Variants in PRNP observed in about 807,000 individuals in gnomAD.
PRNP encodes prion protein (Kanno blood group), also known as major prion protein.
A neutral mutation model predicts 21.3 loss-of-function variants in PRNP; 15 were observed. The ratio of observed to expected loss-of-function variants is 0.71; its 90% confidence interval spans 0.47 to 1.09. The LOEUF (loss-of-function observed/expected upper bound fraction) is 1.09, where lower values mean the gene tolerates loss of function less well. PRNP is among the 50% of genes least tolerant of loss of function. PRNP has a pLI of 0.00. For synonymous variants in PRNP, 121 were observed against 123.1 expected (o/e 0.98, Z 0.11); for missense variants, 285 against 340.9 (o/e 0.84, Z 1.29).
intron 1 of PRNP, among the ~76,000 whole-genome samples, chr20:4,687,999 G>A (rs1486079259): frequency 6.6e-6 from 1 of 152,108 alleles, no homozygotes; most frequent in Non-Finnish European, 1.5e-5. Flanking sequence ...ACACAGAGAA[G>A]GTCTTACAGT....
At chr20:4,692,281 A>G (rs1921879654) in intron 1 of PRNP, among the ~76,000 whole-genome samples, 1 of 152,200 alleles carries the variant, frequency 6.6e-6, no homozygotes, top group African/African-American at 2.4e-5. Context: ...TCTTACTGCC[A>G]TTATGAATGA....
chr20:4,688,721 G>A (rs1395115527), intron 1 of PRNP, among the ~76,000 whole-genome samples: 3 of 152,116 alleles, frequency 2.0e-5, no homozygotes, highest in Non-Finnish European at 4.4e-5. Context: ...TGTGATATGT[G>A]GGGAAAAACT....
At chr20:4,695,057 C>A (rs2122215805) in intron 1 of PRNP, among the ~76,000 whole-genome samples, 1 of 152,186 alleles carries the variant, frequency 6.6e-6, no homozygotes, top group African/African-American at 2.4e-5. Context: ...GTACTAAAGT[C>A]CCCTTTACCA....
chr20:4,700,237 A>G lies in PRNP; in HGVS notation c.*255A>G. 8.3e-7 allele frequency: 1 copy of G among 1,202,510 alleles called. No individual in the cohort carries two copies. Among genetic ancestry groups the G allele is most frequent in the Non-Finnish European group, 1.2e-6 (1 of 846,310 alleles). 74.5% of individuals were successfully genotyped at this position (1,202,510 alleles called of 1,614,324 possible). On this transcript the variant is annotated 3_prime_UTR_variant, in exon 2 of 2. Transcript: ENST00000379440. The surrounding 1 kb of genome is among the most constrained non-coding windows in gnomAD (Gnocchi z 4.1). ...GCCAGTAAAAGTATAACAGCAAATAACCATTGGTTAATCTGGACTTATTTT... is the reference window on the plus strand; with the variant it reads ...GCCAGTAAAAGTATAACAGCAAATAGCCATTGGTTAATCTGGACTTATTTT...
In PRNP at chr20:4,686,520, C is replaced by G. The variant is rs1921437192; in HGVS notation, c.-11+8C>G. 1 of 151,914 alleles carries G rather than the reference C, an allele frequency of 6.6e-6. No individual in the cohort carries two copies. Among genetic ancestry groups the G allele is most frequent in the Non-Finnish European group, 1.5e-5 (1 of 67,932 alleles). 9.4% of individuals were successfully genotyped at this position (151,914 alleles called of 1,614,324 possible). ...TCCTCACGACCGAGGCAGGTAAACG[C>G]CCGGGGTGGGAGGAACGCGGGCGGG... On this transcript the variant is annotated splice_region_variant and intron_variant, in intron 1 of 1. Coordinates refer to ENST00000379440, the MANE Select transcript of PRNP (RefSeq NM_000311.5). The surrounding 1 kb of genome is among the most constrained non-coding windows in gnomAD (Gnocchi z 6.7).
intron 1 of PRNP, among the ~76,000 whole-genome samples, chr20:4,687,246 G>GGGGCCTC (rs1412156596): frequency 2.6e-5 from 4 of 152,034 alleles, no homozygotes; most frequent in Admixed American, 6.5e-5. Context: ...GGGCGGGGGC[G>GGGGCCTC]GGGCCTCGGG....
intron 1 of PRNP, among the ~76,000 whole-genome samples, chr20:4,693,548 C>T (rs574964834): frequency 6.6e-6 from 1 of 152,124 alleles, no homozygotes; most frequent in Non-Finnish European, 1.5e-5. Flanking sequence ...AGAAATTTCT[C>T]TCTGTGGACC....
chr20:4,697,690 C>T lies in PRNP; in HGVS notation c.-10-1521C>T, dbSNP rs1922252058. ...TGTTTTATCCAGAGTACAAAGGAGC[C>T]TCACTGAGGGACAAGGGAAGTGGCA... On this transcript the variant is annotated intron_variant, in intron 1 of 1. Coordinates refer to ENST00000379440, the MANE Select transcript of PRNP (RefSeq NM_000311.5). The surrounding 1 kb of genome is among the most constrained non-coding windows in gnomAD (Gnocchi z 4.6). Among the ~76,000 whole-genome samples, 1 of 152,138 alleles carries T rather than the reference C, an allele frequency of 6.6e-6. No homozygotes were observed. Among genetic ancestry groups the T allele is most frequent in the African/African-American group, 2.4e-5 (1 of 41,436 alleles).
At chr20:4,689,638 C>T (rs1675928051) in intron 1 of PRNP, among the ~76,000 whole-genome samples, 2 of 152,216 alleles carry the variant, frequency 1.3e-5, no homozygotes, top group African/African-American at 4.8e-5. Flanking sequence ...CTTATTTCTT[C>T]TTCCAAGGCA....
chr20:4,699,958 C>T lies in PRNP; in HGVS notation c.738C>T (p.Phe246=), dbSNP rs1922490133. 6.2e-7 allele frequency: 1 copy of T among 1,612,878 alleles called. No individual in the cohort carries two copies. The highest frequency in any genetic ancestry group is 1.3e-5 in the African/African-American group (1 of 75,004). The part of the protein sequence containing the change: ...SSPPVILLIS[F]LIFLIVG ...CACCTGTGATCCTCCTGATCTCTTTCCTCATCTTCCTGATAGTGGGATGAG... is the reference window on the plus strand; with the variant it reads ...CACCTGTGATCCTCCTGATCTCTTTTCTCATCTTCCTGATAGTGGGATGAG... Residue 246 remains phenylalanine, a synonymous_variant, in exon 2 of 2, where the codon TTC becomes TTT. Transcript: ENST00000379440. This position sits in a 1 kb window ranked among gnomAD's most constrained non-coding sequence, Gnocchi z 5.8.
chr20:4,699,211 A>T lies in PRNP; in HGVS notation c.-10A>T. On this transcript the variant is annotated splice_region_variant and 5_prime_UTR_variant, in exon 2 of 2. Coordinates refer to ENST00000379440, the MANE Select transcript of PRNP (RefSeq NM_000311.5). The surrounding 1 kb of genome is among the most constrained non-coding windows in gnomAD (Gnocchi z 5.8). ...TGACGTTCTCCTCTTCATTTTGCAG[A>T]GCAGTCATTATGGCGAACCTTGGCT... 1 of 1,613,970 alleles carries T rather than the reference A, an allele frequency of 6.2e-7. No individual in the cohort carries two copies. The highest frequency in any genetic ancestry group is 8.5e-7 in the Non-Finnish European group (1 of 1,180,038).
chr20:4,695,224 A>G (rs1922093871), intron 1 of PRNP, among the ~76,000 whole-genome samples: 1 of 151,892 alleles, frequency 6.6e-6, no homozygotes. Context: ...TGTCATACAG[A>G]TTATTTCATC....
intron 1 of PRNP, among the ~76,000 whole-genome samples, chr20:4,693,265 C>A (rs1048789022): frequency 6.6e-5 from 10 of 152,232 alleles, no homozygotes; most frequent in African/African-American, 2.4e-4. Flanking sequence ...GGCCACGCCA[C>A]CATCTTCCTG....
chr20:4,693,346 T>C (rs1004096298), intron 1 of PRNP, among the ~76,000 whole-genome samples: 6 of 152,182 alleles, frequency 3.9e-5, no homozygotes, highest in South Asian at 2.1e-4. Flanking sequence ...TAAGAAAAAA[T>C]GTTTTGTAGA....
chr20:4,690,255 G>T (rs1374521013), intron 1 of PRNP, among the ~76,000 whole-genome samples: 1 of 152,174 alleles, frequency 6.6e-6, no homozygotes, highest in Non-Finnish European at 1.5e-5. Flanking sequence ...TGGGGTGAAG[G>T]TCGGGGGTTG....
Position 4,688,171 on chromosome 20 carries a change from T to G in PRNP, c.-11+1659T>G, listed in dbSNP as rs6052767. 1.1e-3 allele frequency among the ~76,000 whole-genome samples: 166 copies of G among 152,246 alleles called. 3 individuals carry two copies. Among genetic ancestry groups the G allele is most frequent in the African/African-American group, 3.9e-3 (161 of 41,524 alleles). The stretch of plus-strand genomic sequence containing the variant: ...GTCATTTACACAATAAAATGCAAAT[T>G]AGAGCATGTTTGGGTTATCATTTTA... On this transcript the variant is annotated intron_variant, in intron 1 of 1. Transcript: ENST00000379440.
Position 4,699,631 on chromosome 20 carries a change from C to T in PRNP, c.411C>T (p.Pro137=). 2 of 1,614,088 alleles carry T rather than the reference C, an allele frequency of 1.2e-6. No individual in the cohort carries two copies. The highest frequency in any genetic ancestry group is 1.7e-6 in the Non-Finnish European group (2 of 1,180,008). The stretch of plus-strand genomic sequence containing the variant: ...TGCTGGGAAGTGCCATGAGCAGGCC[C>T]ATCATACATTTCGGCAGTGACTATG... ...GYMLGSAMSR[P]IIHFGSDYED... Residue 137 remains proline (P), a synonymous_variant, in exon 2 of 2, where the codon CCC becomes CCT. Coordinates refer to ENST00000379440, the MANE Select transcript of PRNP (RefSeq NM_000311.5). The surrounding 1 kb of genome is among the most constrained non-coding windows in gnomAD (Gnocchi z 5.8).
chr20:4,688,003 T>A (rs1921586901), intron 1 of PRNP, among the ~76,000 whole-genome samples: 1 of 152,120 alleles, frequency 6.6e-6, no homozygotes, highest in Non-Finnish European at 1.5e-5. Flanking sequence ...AGAGAAGGTC[T>A]TACAGTGAAA....
At chr20:4,698,050 G>A (rs1922282853) in intron 1 of PRNP, among the ~76,000 whole-genome samples, 1 of 151,996 alleles carries the variant, frequency 6.6e-6, no homozygotes, top group African/African-American at 2.4e-5. Flanking sequence ...TGGTGCCCTA[G>A]TTTGATTTCC....
Sources: allele counts gnomAD v4.1 joint callset (sites outside exome capture counted in the v4.1 genomes callset), GRCh38; gene constraint gnomAD v4.1.1; non-coding constraint Gnocchi (gnomAD v3.1); transcripts MANE v1.5; gene names NCBI Gene and HGNC (gene_info 2026-07-23, HGNC 2026-07-21).